The following OPCML variants were observed in gnomAD, a reference collection of about 807,000 sequenced individuals.
OPCML encodes opioid binding protein/cell adhesion molecule like.
A neutral mutation model predicts 37.8 loss-of-function variants in OPCML; 13 were observed. That is an observed-to-expected ratio of 0.34 (90% CI 0.22 to 0.55). The LOEUF (loss-of-function observed/expected upper bound fraction) is 0.55. Among genes scored for constraint, OPCML ranks in the 20% least tolerant of loss-of-function variants. The pLI is 0.91. For synonymous variants in OPCML, 176 were observed against 168.8 expected (o/e 1.04, Z -0.33); for missense variants, 341 against 435.6 (o/e 0.78, Z 1.93).
intron 1 of OPCML, among the ~76,000 whole-genome samples, chr11:133,192,325 T>C (rs1938358066): frequency 6.6e-6 from 1 of 152,194 alleles, no homozygotes; most frequent in African/African-American, 2.4e-5. Flanking sequence ...TATCTACAAA[T>C]GGGTCTATTT....
intron 3 of OPCML, among the ~76,000 whole-genome samples, chr11:132,647,205 T>C (rs1941193813): frequency 6.6e-6 from 1 of 152,172 alleles, no homozygotes; most frequent in Non-Finnish European, 1.5e-5. Context: ...TCAACGGAAG[T>C]GAGTTTAAGA....
chr11:133,122,209 A>G (rs181836517), intron 1 of OPCML, among the ~76,000 whole-genome samples: 3 of 152,264 alleles, frequency 2.0e-5, no homozygotes, highest in Non-Finnish European at 4.4e-5. Context: ...CATGGTGGTA[A>G]TCATATAGAC....
rs556663168 is a variant in OPCML, at chr11:133,445,537, A to G, written c.61+86727T>C. 2.0e-3 allele frequency among the ~76,000 whole-genome samples: 298 copies of G among 152,348 alleles called. 1 individual carries two copies. The highest frequency in any genetic ancestry group is 7.0e-3 in the African/African-American group (293 of 41,592). Reference sequence around the variant, plus strand: ...CTGGACTGTCTAGCATTTACCCAACAGTTAGCAAATGCTGCTGCTGTTGTT... The same window carrying G: ...CTGGACTGTCTAGCATTTACCCAACGGTTAGCAAATGCTGCTGCTGTTGTT... On this transcript the variant is annotated intron_variant, in intron 1 of 7. Coordinates refer to ENST00000524381, the MANE Select transcript of OPCML (RefSeq NM_001012393.5).
chr11:132,833,122 G>A (rs192427503), intron 2 of OPCML, among the ~76,000 whole-genome samples: 426 of 147,482 alleles, frequency 2.9e-3, no homozygotes, highest in Non-Finnish European at 4.0e-3. Flanking sequence ...ACTAATCTTC[G>A]CATTATGTAA....
chr11:133,472,350 G>A (rs1019200016), intron 1 of OPCML, among the ~76,000 whole-genome samples: 1 of 152,128 alleles, frequency 6.6e-6, no homozygotes, highest in Non-Finnish European at 1.5e-5. Flanking sequence ...TGTCTTGGAG[G>A]AAGCAGTGCT....
chr11:132,822,171 C>G (rs761499111), intron 2 of OPCML, among the ~76,000 whole-genome samples: 3 of 152,126 alleles, frequency 2.0e-5, no homozygotes, highest in Non-Finnish European at 2.9e-5. Context: ...GACTACACAG[C>G]TGGTGTGCAG....
At chr11:132,866,019 C>A (rs1942532247) in intron 2 of OPCML, among the ~76,000 whole-genome samples, 1 of 152,042 alleles carries the variant, frequency 6.6e-6, no homozygotes, top group African/African-American at 2.4e-5. Context: ...AATTTCATCT[C>A]CTTGGAGCAC....
At chr11:133,116,321 A>G (rs969538618) in intron 1 of OPCML, among the ~76,000 whole-genome samples, 1 of 152,366 alleles carries the variant, frequency 6.6e-6, no homozygotes, top group East Asian at 1.9e-4. Context: ...AAATGTTTGC[A>G]TTATTATAGT....
intron 1 of OPCML, among the ~76,000 whole-genome samples, chr11:133,207,410 A>G (rs144368135): frequency 6.6e-6 from 1 of 152,300 alleles, no homozygotes; most frequent in Non-Finnish European, 1.5e-5. Flanking sequence ...TGAATATCAG[A>G]GTTTTCAGAT....
chr11:132,606,562 G>A (rs751117393), intron 3 of OPCML, among the ~76,000 whole-genome samples: 22 of 152,084 alleles, frequency 1.4e-4, no homozygotes, highest in South Asian at 4.2e-4. Context: ...CACCACCCCC[G>A]TCTCCCACCT....
At chr11:133,008,744 A>G (rs952986635) in intron 1 of OPCML, 1 of 324,232 alleles carries the variant, frequency 3.1e-6, no homozygotes, top group African/African-American at 2.2e-5. Context: ...TATGACTGCA[A>G]CAATGTCCAC....
At chr11:133,422,773 T>C in intron 1 of OPCML, 1 of 899,344 alleles carries the variant, frequency 1.1e-6, no homozygotes, top group Non-Finnish European at 1.3e-6. Context: ...TAATAAAGTA[T>C]TTATGATTTT....
chr11:132,623,740 G>A (rs1480113006), intron 3 of OPCML, among the ~76,000 whole-genome samples: 1 of 152,192 alleles, frequency 6.6e-6, no homozygotes, highest in East Asian at 1.9e-4. Context: ...AATTTGGACA[G>A]CTGTGACTGG....
chr11:132,734,970 G>T (rs143183354), intron 2 of OPCML, among the ~76,000 whole-genome samples: 1 of 152,080 alleles, frequency 6.6e-6, no homozygotes, highest in Non-Finnish European at 1.5e-5. Context: ...CAAAACTATC[G>T]CCTGCAACAT....
At chr11:133,529,833 G>T (rs1444915436) in intron 1 of OPCML, among the ~76,000 whole-genome samples, 1 of 152,164 alleles carries the variant, frequency 6.6e-6, no homozygotes, top group African/African-American at 2.4e-5. Context: ...AAAAGAGAAA[G>T]GAGAAGTCGC....
chr11:133,178,072 T>G (rs1937638573), intron 1 of OPCML, among the ~76,000 whole-genome samples: 1 of 152,118 alleles, frequency 6.6e-6, no homozygotes, highest in African/African-American at 2.4e-5. Context: ...CAACTGACAA[T>G]AGATGAGCAG....
intron 1 of OPCML, among the ~76,000 whole-genome samples, chr11:133,459,707 G>C (rs983583301): frequency 6.6e-6 from 1 of 151,950 alleles, no homozygotes; most frequent in Non-Finnish European, 1.5e-5. Flanking sequence ...TCAAACATCA[G>C]AGCTCCCAAC....
Position 133,367,050 on chromosome 11 carries a change from T to C in OPCML, c.61+165214A>G, listed in dbSNP as rs143863684. Among the ~76,000 whole-genome samples the C allele has an allele frequency of 3.1e-3, 479 of 152,080 alleles. 2 individuals carry two copies. The highest frequency in any genetic ancestry group is 0.01 in the African/African-American group (419 of 41,478). ...GGAGTGCAGTGGTGCGGTGTCTCGG[T>C]TCAATGCAACCTCTGACTCCCTGGT... On this transcript the variant is annotated intron_variant, in intron 1 of 7. Coordinates refer to ENST00000524381, the MANE Select transcript of OPCML (RefSeq NM_001012393.5).
intron 1 of OPCML, among the ~76,000 whole-genome samples, chr11:133,273,887 C>A (rs541224320): frequency 6.6e-6 from 1 of 152,336 alleles, no homozygotes; most frequent in African/African-American, 2.4e-5. Flanking sequence ...TGGGTGACAT[C>A]TGCAGTGTGC....
Sources: gnomAD v4.1 joint callset for allele counts (sites outside exome capture counted in the v4.1 genomes callset) on GRCh38, gnomAD v4.1.1 for gene constraint, MANE v1.5 for transcripts, NCBI Gene and HGNC (gene_info 2026-07-23, HGNC 2026-07-21) for gene names.